TTC39C: variants seen among roughly 807,000 people sequenced by gnomAD.
TTC39C encodes the protein tetratricopeptide repeat domain 39C.
In TTC39C, 33 loss-of-function variants were observed where a neutral mutation model predicts 76.3. That is an observed-to-expected ratio of 0.43 (90% CI 0.33 to 0.58). The LOEUF (loss-of-function observed/expected upper bound fraction) is 0.58, where lower values mean the gene tolerates loss of function less well. Ranked by LOEUF, TTC39C falls within the 20% of genes least tolerant of loss-of-function variation. TTC39C has a pLI of 0.04. For synonymous variants in TTC39C, 254 were observed against 260.6 expected, an observed-to-expected ratio of 0.97 and a Z score of 0.24; for missense variants, 595 against 701.4, an observed-to-expected ratio of 0.85 and a Z score of 1.71.
intron 7 of TTC39C, among the ~76,000 whole-genome samples, chr18:24,116,829 T>TG (rs1234239481): frequency 4.1e-5 from 6 of 146,242 alleles, no homozygotes; most frequent in South Asian, 2.2e-4. Context: ...GTTTTTTTTT[T>TG]TTTTTTTTTT....
chr18:24,097,875 T>TA (rs1168028558), intron 6 of TTC39C, among the ~76,000 whole-genome samples: 25 of 152,192 alleles, frequency 1.6e-4, no homozygotes, highest in Non-Finnish European at 4.4e-5. Context: ...GTTGATGTCT[T>TA]ATGCTTCTTA....
chr18:24,125,534 G>T lies in TTC39C; in HGVS notation c.1404G>T (p.Leu468=), dbSNP rs1244161377. Residue 468 remains leucine (L), a synonymous_variant, in exon 10 of 14, where the codon CTG becomes CTT. Transcript: ENST00000317571. The stretch of plus-strand genomic sequence containing the variant: ...TTCCAAACTGTTCCTTCCCCAACCT[G>T]CAGAGGATGAGTCAAGGTAAAAAAT... ...KALPNCSFPN[L]QRMSQACHEV... The T allele has an allele frequency of 7.4e-6, 12 of 1,614,144 alleles. No individual in the cohort carries two copies. Among genetic ancestry groups the T allele is most frequent in the South Asian group, 1.1e-5 (1 of 91,088 alleles).
intron 1 of TTC39C, among the ~76,000 whole-genome samples, chr18:24,038,540 C>T (rs1379257687): frequency 6.6e-6 from 1 of 152,178 alleles, no homozygotes; most frequent in African/African-American, 2.4e-5. Context: ...GCCTTGGCCT[C>T]CCAAAGTGCT....
chr18:24,010,227 T>A (rs1392909337), upstream of TTC39C, among the ~76,000 whole-genome samples: 6 of 152,186 alleles, frequency 3.9e-5, 1 homozygote, highest in Admixed American at 3.9e-4. Context: ...AGAAGTGAGA[T>A]ACAGAAACAG....
chr18:24,086,314 C>T (rs2084438718), intron 6 of TTC39C, among the ~76,000 whole-genome samples: 1 of 152,226 alleles, frequency 6.6e-6, no homozygotes, highest in Non-Finnish European at 1.5e-5. Context: ...AGCTTGCTAA[C>T]ATGCAGGGTG....
rs1264017521 is a variant in TTC39C, at chr18:24,128,242, T to TG, written c.1421-643dup. 2.6e-5 allele frequency among the ~76,000 whole-genome samples: 4 copies of TG among 152,154 alleles called. No homozygotes were observed. In the East Asian group the frequency reaches 7.7e-4, roughly 29 times the overall value. Reference sequence around the variant, plus strand: ...AACTGCATTAAGGTTTCCTTAATGTTGCTGCCTTAAAAGTCTCTGAGTTCT... The same window carrying TG: ...AACTGCATTAAGGTTTCCTTAATGTTGGCTGCCTTAAAAGTCTCTGAGTTCT... On this transcript the variant is annotated intron_variant, in intron 10 of 13. Transcript: ENST00000317571.
intron 6 of TTC39C, chr18:24,113,722 G>A (rs1316792506): frequency 1.4e-6 from 1 of 701,520 alleles, no homozygotes; most frequent in African/African-American, 1.7e-5. Flanking sequence ...TTTGAATCCT[G>A]ATCATGCTTT....
intron 4 of TTC39C, among the ~76,000 whole-genome samples, chr18:24,074,613 A>T (rs959169637): frequency 5.3e-5 from 8 of 152,194 alleles, no homozygotes; most frequent in Admixed American, 6.5e-5. Flanking sequence ...ACCATCTCAC[A>T]TAAGTTAGAA....
chr18:23,998,584 C>A (rs914933267), intron 1 of TTC39C, among the ~76,000 whole-genome samples: 4 of 151,594 alleles, frequency 2.6e-5, no homozygotes, highest in Non-Finnish European at 4.4e-5. Flanking sequence ...CACTCCAGCC[C>A]GGGTGACAGA....
chr18:24,051,918 C>T (rs1211410070), intron 1 of TTC39C, among the ~76,000 whole-genome samples: 1 of 152,210 alleles, frequency 6.6e-6, no homozygotes, highest in Admixed American at 6.5e-5. Context: ...ACTCCAGATT[C>T]TGTCCTAGGT....
chr18:24,091,555 C>A (rs2084516751), intron 6 of TTC39C, among the ~76,000 whole-genome samples: 2 of 152,132 alleles, frequency 1.3e-5, no homozygotes, highest in Non-Finnish European at 1.5e-5. Flanking sequence ...AACTGTAGAA[C>A]CCTTGGGTTA....
At chr18:24,017,495 G>T (rs2083467725) in intron 1 of TTC39C, among the ~76,000 whole-genome samples, 2 of 152,198 alleles carry the variant, frequency 1.3e-5, no homozygotes, top group African/African-American at 4.8e-5. Context: ...TTCTGTACGT[G>T]GTGCCTTCCC....
At chr18:24,101,452 A>T (rs2084674119) in intron 6 of TTC39C, among the ~76,000 whole-genome samples, 1 of 152,100 alleles carries the variant, frequency 6.6e-6, no homozygotes, top group Non-Finnish European at 1.5e-5. Flanking sequence ...ACTAAAACTC[A>T]GAAAGCTGAG....
At chr18:24,087,530 A>G (rs1163955871) in intron 6 of TTC39C, among the ~76,000 whole-genome samples, 1 of 152,142 alleles carries the variant, frequency 6.6e-6, no homozygotes, top group Non-Finnish European at 1.5e-5. Flanking sequence ...CGTTTTCTAT[A>G]AAGTTAATGA....
intron 10 of TTC39C, among the ~76,000 whole-genome samples, chr18:24,127,375 A>T (rs958281808): frequency 6.6e-6 from 1 of 152,170 alleles, no homozygotes; most frequent in African/African-American, 2.4e-5. Context: ...CATTTAGCTT[A>T]TCAGAGTCCC....
At chr18:24,021,342 A>T (rs1312876490) in intron 1 of TTC39C, among the ~76,000 whole-genome samples, 7 of 152,098 alleles carry the variant, frequency 4.6e-5, no homozygotes, top group African/African-American at 1.4e-4. Flanking sequence ...CTCATTCTGT[A>T]ACGTGGGTCC....
At chr18:24,022,950 T>G in intron 1 of TTC39C, 2 of 907,396 alleles carry the variant, frequency 2.2e-6, no homozygotes, top group Non-Finnish European at 2.6e-6. Context: ...CCGGCACTTG[T>G]GTTGCATCAA....
intron 6 of TTC39C, among the ~76,000 whole-genome samples, chr18:24,109,203 A>C (rs7226403): frequency 0.02 from 2,979 of 149,520 alleles, 84 homozygotes; most frequent in African/African-American, 0.065. Flanking sequence ...AAAAAAGTTA[A>C]AAAATTAGCC....
rs549946412 is a variant in TTC39C at position 24,072,613 on chromosome 18, A to T, written c.460+3342A>T. On this transcript the variant is annotated intron_variant, in intron 4 of 13. Coordinates refer to ENST00000317571, the MANE Select transcript of TTC39C (RefSeq NM_001135993.2). ...TGCCCGGTCAATGCTTCTTACTTTT[A>T]AAAAAGCTTGTGTTTATCTCATTTA... is the stretch of plus-strand genomic sequence containing the variant. 3.9e-5 allele frequency among the ~76,000 whole-genome samples: 6 copies of T among 152,340 alleles called. No homozygotes were observed. The South Asian group carries it at 1.0e-3, about 26-fold the overall frequency.
Sources: gnomAD v4.1 joint callset for allele counts (sites outside exome capture counted in the v4.1 genomes callset) on GRCh38, gnomAD v4.1.1 for gene constraint, MANE v1.5 for transcripts, NCBI Gene and HGNC (gene_info 2026-07-23, HGNC 2026-07-21) for gene names.